Variants in PAH observed in about 807,000 individuals in gnomAD.
PAH encodes phenylalanine hydroxylase.
A neutral mutation model predicts 62.0 loss-of-function variants in PAH; 64 were observed. The observed-to-expected ratio is 1.03, with a 90% CI of 0.84 to 1.27. The LOEUF is 1.27. Among genes scored for constraint, PAH ranks in the 50% most tolerant of loss-of-function variants. PAH has a pLI of 0.00. For missense variants in PAH, 579 were observed against 542.8 expected, an observed-to-expected ratio of 1.07 and a Z score of -0.66; for synonymous variants, 195 against 196.2, an observed-to-expected ratio of 0.99 and a Z score of 0.05.
intron 2 of PAH, among the ~76,000 whole-genome samples, 188 bp from the exon 3 acceptor site, chr12:102,895,106 T>G (rs1592979134): frequency 6.6e-6 from 1 of 152,312 alleles, no homozygotes; most frequent in Middle Eastern, 3.4e-3. Context: ...TAAAACCAAG[T>G]ACTAAGTGGC....
rs1874461460 is a variant in PAH at position 102,838,646 on chromosome 12, G to T, written c.*529C>A. The T allele has an allele frequency of 6.5e-6, 1 of 153,508 alleles. No homozygotes were observed. Among genetic ancestry groups the T allele is most frequent in the Non-Finnish European group, 1.4e-5 (1 of 68,998 alleles). The allele number at this position is 153,508 out of a possible 1,614,324, so 9.5% of individuals were successfully genotyped here. On this transcript the variant is annotated 3_prime_UTR_variant, in exon 13 of 13. Transcript: ENST00000553106. The stretch of plus-strand genomic sequence containing the variant: ...ATAATACTAAAGAAGTTCAATGCTT[G>T]TAACTATTTTAATGGGCTTCTGACT...
intron 5 of PAH, among the ~76,000 whole-genome samples, chr12:102,861,412 A>AGAC (rs923181390): frequency 1.3e-5 from 2 of 152,250 alleles, no homozygotes; most frequent in African/African-American, 4.8e-5. Context: ...CCATTGTGGA[A>AGAC]GACAGTGTGG....
At chr12:102,839,839 C>G (rs1296265442) in intron 12 of PAH, among the ~76,000 whole-genome samples, 1 of 152,162 alleles carries the variant, frequency 6.6e-6, no homozygotes, top group African/African-American at 2.4e-5. Flanking sequence ...ACATTTTAAA[C>G]ATAAACAACT....
chr12:102,872,013 T>C (rs759790319), intron 4 of PAH, among the ~76,000 whole-genome samples: 61 of 148,556 alleles, frequency 4.1e-4, no homozygotes, highest in Admixed American at 6.0e-4. Flanking sequence ...AAAAAATTAC[T>C]GTGTGCCTTT....
upstream of PAH, chr12:102,917,489 A>G (rs1029141764): frequency 1.3e-4 from 45 of 352,560 alleles, no homozygotes; most frequent in South Asian, 1.0e-3. Flanking sequence ...AGACAGGTTT[A>G]GGCACTTCCG....
intron 3 of PAH, among the ~76,000 whole-genome samples, chr12:102,881,321 T>C (rs1876804516): frequency 6.6e-6 from 1 of 151,108 alleles, no homozygotes. Flanking sequence ...CTATTGCATA[T>C]ATTTTATATA....
intron 5 of PAH, among the ~76,000 whole-genome samples, chr12:102,859,879 C>A (rs953475690): frequency 2.0e-5 from 3 of 152,180 alleles, no homozygotes; most frequent in African/African-American, 7.2e-5. Flanking sequence ...ACTGAATGGG[C>A]AAAAGCTGGA....
chr12:102,895,862 A>AT (rs1877476894), intron 2 of PAH, among the ~76,000 whole-genome samples: 6 of 138,338 alleles, frequency 4.3e-5, no homozygotes, highest in African/African-American at 1.8e-4. Flanking sequence ...CTCAAAAAAA[A>AT]AAAAAAAATA....
exon 1 of PAH, chr12:102,958,295 G>A (rs758644642): frequency 1.4e-6 from 2 of 1,479,844 alleles, no homozygotes; most frequent in Non-Finnish European, 1.8e-6. Context: ...AGCAGCCCCA[G>A]CCGCAGCCCC....
At chr12:102,924,930 G>T (rs1878646643) in intron 1 of PAH, among the ~76,000 whole-genome samples, 1 of 152,110 alleles carries the variant, frequency 6.6e-6, no homozygotes, top group Non-Finnish European at 1.5e-5. Flanking sequence ...ATGAAAGTGT[G>T]GAAAGTCTGC....
chr12:102,850,406 G>A (rs1371461487), intron 8 of PAH, among the ~76,000 whole-genome samples: 3 of 152,156 alleles, frequency 2.0e-5, no homozygotes, highest in Admixed American at 6.5e-5. Flanking sequence ...CAAATATTTA[G>A]TGGTAGCTTC....
intron 8 of PAH, among the ~76,000 whole-genome samples, chr12:102,851,092 AG>A (rs775103427): frequency 2.5e-4 from 36 of 146,770 alleles, no homozygotes; most frequent in Admixed American, 3.4e-4. Context: ...TTGCCTTAAA[AG>A]AAAAAAAAAA....
At chr12:102,926,589 G>T (rs1565877949) in intron 1 of PAH, among the ~76,000 whole-genome samples, 1 of 149,146 alleles carries the variant, frequency 6.7e-6, no homozygotes, top group Admixed American at 6.7e-5. Context: ...AATTACTTTT[G>T]CACCAACCTG....
At chr12:102,877,177 T>C (rs1167766585) in intron 4 of PAH, 4 of 461,868 alleles carry the variant, frequency 8.7e-6, no homozygotes, top group East Asian at 9.0e-5. Context: ...GAAACAATGA[T>C]GATTTGCATC....
chr12:102,894,178 C>G (rs1434166030), intron 3 of PAH, among the ~76,000 whole-genome samples: 1 of 152,048 alleles, frequency 6.6e-6, no homozygotes, highest in Non-Finnish European at 1.5e-5. Context: ...TCGAGTTATC[C>G]CAGCAGTATT....
chr12:102,840,456 C>G lies in PAH; in HGVS notation c.1259G>C (p.Arg420Thr), dbSNP rs767075719. 1 of 1,613,972 alleles carries G rather than the reference C, an allele frequency of 6.2e-7. No homozygotes were observed. Among genetic ancestry groups the G allele is most frequent in the African/African-American group, 1.3e-5 (1 of 75,008 alleles). Residue 420 changes from arginine to threonine, a missense_variant, in exon 12 of 13, where the codon AGG (arginine) becomes ACG (threonine). By Grantham distance (71) the Arg-to-Thr change is moderately conservative. Transcript: ENST00000553106. ...FSVRYDPYTQRIEVLDNTQQL... is the reference protein window; with the variant it reads ...FSVRYDPYTQTIEVLDNTQQL... ...CTGGGTATTGTCCAAGACCTCAATC[C>G]TTTGGGTGTATGGGTCGTAGCGAAC...
chr12:102,847,119 C>T, intron 8 of PAH, 168 bp from the exon 9 acceptor site: 1 of 660,030 alleles, frequency 1.5e-6, no homozygotes, highest in Non-Finnish European at 2.8e-6. Flanking sequence ...TATAGAATCA[C>T]AGATCTCCAG....
intron 1 of PAH, among the ~76,000 whole-genome samples, chr12:102,939,494 T>A (rs1490413817): frequency 6.6e-6 from 1 of 152,178 alleles, no homozygotes; most frequent in Non-Finnish European, 1.5e-5. Flanking sequence ...CAGAAGCAAC[T>A]GACAACCCCT....
chr12:102,905,083 T>A (rs970726411), intron 2 of PAH, among the ~76,000 whole-genome samples: 4 of 152,146 alleles, frequency 2.6e-5, no homozygotes, highest in African/African-American at 4.8e-5. Flanking sequence ...GGTAAAGGAA[T>A]AAAAATTGTG....
Sources: allele counts gnomAD v4.1 joint callset (sites outside exome capture counted in the v4.1 genomes callset), GRCh38; gene constraint gnomAD v4.1.1; transcripts MANE v1.5; gene names NCBI Gene and HGNC (gene_info 2026-07-23, HGNC 2026-07-21).